PASD1: variants seen among roughly 807,000 people sequenced by gnomAD.
The protein encoded by PASD1 is circadian clock protein PASD1.
Under a neutral mutation model 58.8 loss-of-function variants are expected in PASD1, and 13 were observed. The ratio of observed to expected loss-of-function variants is 0.22; its 90% CI spans 0.14 to 0.35. The LOEUF (loss-of-function observed/expected upper bound fraction) is 0.35. PASD1 is among the 10% of genes least tolerant of loss of function. The probability of loss-of-function intolerance (pLI) is 1.00; values close to 1 mark genes in which losing one functional copy is unlikely to be tolerated. For synonymous variants in PASD1, 236 were observed against 216.7 expected, an observed-to-expected ratio of 1.09 and a Z score of -0.78; for missense variants, 734 against 568.3, an observed-to-expected ratio of 1.29 and a Z score of -2.96.
chrX:151,640,040 C>T (rs755836417), intron 8 of PASD1, among the ~76,000 whole-genome samples: 20 of 111,705 alleles, frequency 1.8e-4, no homozygotes, highest in African/African-American at 4.5e-4. Context: ...TTTATTTCCC[C>T]GCCTGGCTCA....
intron 3 of PASD1, among the ~76,000 whole-genome samples, chrX:151,609,366 C>T (rs1395389437): frequency 9.0e-6 from 1 of 111,618 alleles, no homozygotes; most frequent in Non-Finnish European, 1.9e-5. Flanking sequence ...AATTCAGTGG[C>T]ATTAAGTACA....
chrX:151,618,386 T>C (rs995351618), intron 4 of PASD1, among the ~76,000 whole-genome samples: 11 of 112,508 alleles, frequency 9.8e-5, no homozygotes, highest in Non-Finnish European at 1.3e-4. Flanking sequence ...GAATACTTTA[T>C]TACTTTGTTG....
chrX:151,564,570 G>A (rs1349110236), intron 1 of PASD1, among the ~76,000 whole-genome samples: 2 of 110,892 alleles, frequency 1.8e-5, no homozygotes, highest in African/African-American at 3.3e-5. Flanking sequence ...TCAGATTAGC[G>A]TGAAAGTGCC....
In PASD1 at chrX:151,621,587, G is replaced by A; in HGVS notation, c.413G>A (p.Cys138Tyr). 8.6e-7 allele frequency: 1 copy of A among 1,168,168 alleles called. No individual in the cohort carries two copies. The highest frequency in any genetic ancestry group is 1.8e-5 in the African/African-American group (1 of 56,650). ...TTTATTGTGAATGTAAGAGATATTT[G>A]TAATGGTAAGCAGTTCTGTTTATCT... ...VKFIVNVRDI[C>Y]NEFPVVFSGL... Residue 138 changes from cysteine to tyrosine, a missense_variant, in exon 6 of 16, where the codon TGT becomes TAT. Cys to Tyr is a radical substitution (Grantham distance 194). Coordinates refer to ENST00000370357, the MANE Select transcript of PASD1 (RefSeq NM_173493.3).
intron 1 of PASD1, among the ~76,000 whole-genome samples, chrX:151,567,671 C>T (rs1022739625): frequency 1.3e-4 from 14 of 111,393 alleles, no homozygotes; most frequent in African/African-American, 3.3e-4. Flanking sequence ...AGGTACTCCC[C>T]GAAAGTCAGT....
intron 9 of PASD1, among the ~76,000 whole-genome samples, chrX:151,652,544 A>C (rs530313486): frequency 1.9e-5 from 2 of 105,505 alleles, no homozygotes; most frequent in Non-Finnish European, 3.9e-5. Flanking sequence ...AAAAAAAAAA[A>C]AACAAAAAAC....
At chrX:151,583,318 A>G (rs2013123253) in intron 1 of PASD1, among the ~76,000 whole-genome samples, 2 of 112,320 alleles carry the variant, frequency 1.8e-5, no homozygotes, top group Non-Finnish European at 3.8e-5. Flanking sequence ...TGTTATTACT[A>G]TCTTTAATTA....
At chrX:151,621,112 T>A in intron 5 of PASD1, 83 bp downstream of exon 5, 1 of 577,139 alleles carries the variant, frequency 1.7e-6, no homozygotes, top group Non-Finnish European at 2.7e-6. Flanking sequence ...TCTAAAAAGA[T>A]ATTAGAGCAC....
intron 1 of PASD1, among the ~76,000 whole-genome samples, chrX:151,567,170 A>G (rs2012859632): frequency 9.0e-6 from 1 of 111,683 alleles, no homozygotes; most frequent in South Asian, 3.8e-4. Context: ...ATGCTCCGCC[A>G]TACGTACCAC....
chrX:151,618,617 T>C (rs2013667511), intron 4 of PASD1, among the ~76,000 whole-genome samples: 1 of 112,015 alleles, frequency 8.9e-6, no homozygotes, highest in African/African-American at 3.2e-5. Flanking sequence ...GGAAGGTAGA[T>C]AATAAACAGA....
chrX:151,642,517 C>A (rs2014010612), intron 8 of PASD1, among the ~76,000 whole-genome samples: 1 of 112,117 alleles, frequency 8.9e-6, no homozygotes, highest in African/African-American at 3.2e-5. Context: ...GTTTACCATT[C>A]TTATGAATAA....
intron 1 of PASD1, among the ~76,000 whole-genome samples, chrX:151,573,429 T>C (rs939620101): frequency 8.9e-6 from 1 of 112,585 alleles, no homozygotes; most frequent in African/African-American, 3.2e-5. Flanking sequence ...ACTAGCTGAA[T>C]GTTATTCTTC....
chrX:151,627,345 T>G (rs2013801240), intron 8 of PASD1, among the ~76,000 whole-genome samples: 1 of 109,640 alleles, frequency 9.1e-6, no homozygotes, highest in African/African-American at 3.3e-5. Flanking sequence ...CCTAATGCTA[T>G]CCCTCCCCAC....
chrX:151,607,925 T>C (rs2013508032), intron 3 of PASD1, among the ~76,000 whole-genome samples: 1 of 111,593 alleles, frequency 9.0e-6, no homozygotes, highest in Admixed American at 9.5e-5. Context: ...GTATGAATCT[T>C]GAGGAGGCGC....
chrX:151,581,873 A>G (rs888047905), intron 1 of PASD1, among the ~76,000 whole-genome samples: 3 of 110,844 alleles, frequency 2.7e-5, no homozygotes, highest in Non-Finnish European at 3.8e-5. Context: ...AGTAGCTGAA[A>G]TAGATAGGAT....
At chrX:151,665,288 C>T (rs1368302980) in intron 11 of PASD1, among the ~76,000 whole-genome samples, 1 of 112,296 alleles carries the variant, frequency 8.9e-6, no homozygotes, top group African/African-American at 3.2e-5. Context: ...GATTTATGTC[C>T]TTATCATGCC....
At chrX:151,646,288 CTTGATAT>C (rs2014059942) in intron 8 of PASD1, among the ~76,000 whole-genome samples, 1 of 111,994 alleles carries the variant, frequency 8.9e-6, no homozygotes, top group Non-Finnish European at 1.9e-5. Context: ...TATTTATATT[CTTGATAT>C]TTAAGTCGGT....
chrX:151,653,992 C>A (rs112508628), intron 9 of PASD1, among the ~76,000 whole-genome samples: 46 of 96,177 alleles, frequency 4.8e-4, no homozygotes, highest in African/African-American at 1.5e-3. Context: ...TCTTTCAAGA[C>A]AGGGTCTCTC....
intron 12 of PASD1, 72 bp from the exon 13 acceptor site, chrX:151,671,501 C>T: frequency 8.9e-7 from 1 of 1,122,530 alleles, no homozygotes; most frequent in South Asian, 1.9e-5. Context: ...CTGCTCCATG[C>T]CCAGCTTGTC....
Sources: gnomAD v4.1 joint callset for allele counts (sites outside exome capture counted in the v4.1 genomes callset) on GRCh38, gnomAD v4.1.1 for gene constraint, MANE v1.5 for transcripts, NCBI Gene and HGNC (gene_info 2026-07-23, HGNC 2026-07-21) for gene names.